PCLO: variants seen among roughly 807,000 people sequenced by gnomAD.
The protein encoded by PCLO is protein piccolo.
In PCLO, 82 loss-of-function variants were observed where a neutral mutation model predicts 427.5. That is an observed-to-expected ratio of 0.19 (90% CI 0.16 to 0.23). The LOEUF is 0.23. Ranked by LOEUF, PCLO falls within the 10% of genes least tolerant of loss-of-function variation. The pLI is 1.00. For missense variants in PCLO, 6,239 were observed against 6,115.9 expected, an observed-to-expected ratio of 1.02 and a Z score of -0.67; for synonymous variants, 2,357 against 2,155.4, an observed-to-expected ratio of 1.09 and a Z score of -2.59.
chr7:82,926,474 C>T (rs1207407500), intron 6 of PCLO, among the ~76,000 whole-genome samples: 3 of 151,960 alleles, frequency 2.0e-5, no homozygotes, highest in African/African-American at 7.2e-5. Context: ...AGAATAAAAA[C>T]AAAATAGAAC....
rs971350520 is a variant in PCLO, at chr7:82,757,550, G to T, written c.*1025C>A. On this transcript the variant is annotated 3_prime_UTR_variant, in exon 25 of 25. Transcript: ENST00000333891. ...ATGAGGATCCATTTAATTAATCAAT[G>T]TCACAAGATTAATATGGTTTGTTTG... 5.9e-5 allele frequency: 9 copies of T among 151,850 alleles called. No individual in the cohort carries two copies. Among genetic ancestry groups the T allele is most frequent in the Non-Finnish European group, 1.3e-4 (9 of 67,902 alleles). 9.4% of individuals were successfully genotyped at this position (151,850 alleles called of 1,614,324 possible). A position where few individuals can be genotyped will look rare whatever the true frequency, so the allele number is the denominator to read the frequency against.
chr7:82,992,666 G>A (rs550684617), intron 3 of PCLO, among the ~76,000 whole-genome samples: 81 of 151,940 alleles, frequency 5.3e-4, no homozygotes, highest in South Asian at 2.3e-3. Flanking sequence ...CCTAGATGAC[G>A]GGTTCATAGG....
intron 3 of PCLO, among the ~76,000 whole-genome samples, chr7:83,065,319 T>C (rs927045587): frequency 4.6e-5 from 7 of 151,894 alleles, no homozygotes; most frequent in Non-Finnish European, 1.5e-5. Flanking sequence ...TTGTATGGCT[T>C]TTTTCCTAAA....
chr7:83,101,650 A>G (rs1019690896), intron 3 of PCLO, among the ~76,000 whole-genome samples: 2 of 152,166 alleles, frequency 1.3e-5, no homozygotes, highest in African/African-American at 2.4e-5. Context: ...TTTGAATGGT[A>G]TGTGTTTTAC....
At chr7:83,037,903 G>A (rs1370690236) in intron 3 of PCLO, among the ~76,000 whole-genome samples, 1 of 139,744 alleles carries the variant, frequency 7.2e-6, no homozygotes, top group Admixed American at 7.6e-5. Flanking sequence ...GCCATATAAT[G>A]TTGGTTCTCT....
intron 3 of PCLO, among the ~76,000 whole-genome samples, chr7:83,086,830 A>G (rs890456063): frequency 1.3e-5 from 2 of 152,106 alleles, no homozygotes; most frequent in African/African-American, 4.8e-5. Flanking sequence ...ACAGATACAC[A>G]GGCAACGTTA....
rs187180755 is a variant in PCLO, at chr7:83,153,397, A to T, written c.1893+1351T>A. 2.9e-3 allele frequency among the ~76,000 whole-genome samples: 444 copies of T among 152,232 alleles called. 6 individuals are homozygous for T. The highest frequency in any genetic ancestry group is 2.7e-3 in the Non-Finnish European group (185 of 68,002). ...TAAAGGTTACTTTAGAAAACAACCAAGAGTTGACATATTTTAAATTTGCAT... is the reference window on the plus strand; with the variant it reads ...TAAAGGTTACTTTAGAAAACAACCATGAGTTGACATATTTTAAATTTGCAT... On this transcript the variant is annotated intron_variant, in intron 2 of 24. Transcript: ENST00000333891.
intron 10 of PCLO, among the ~76,000 whole-genome samples, chr7:82,872,099 T>C (rs1214903587): frequency 4.6e-5 from 7 of 151,910 alleles, no homozygotes; most frequent in Non-Finnish European, 7.4e-5. Context: ...CAAAACTTAA[T>C]TGAAACAAAA....
At chr7:83,077,020 T>TTA (rs1789972044) in intron 3 of PCLO, among the ~76,000 whole-genome samples, 5 of 67,542 alleles carry the variant, frequency 7.4e-5, no homozygotes, top group Admixed American at 3.9e-4. Flanking sequence ...AAAAATGCAT[T>TTA]GATATATATA....
intron 22 of PCLO, among the ~76,000 whole-genome samples, chr7:82,780,492 C>T (rs1368625770): frequency 6.6e-6 from 1 of 152,150 alleles, no homozygotes; most frequent in Non-Finnish European, 1.5e-5. Flanking sequence ...CCTATCATCT[C>T]CCCAAATGCT....
intron 2 of PCLO, among the ~76,000 whole-genome samples, chr7:83,141,677 T>C (rs1055176198): frequency 6.6e-6 from 1 of 152,206 alleles, no homozygotes; most frequent in Non-Finnish European, 1.5e-5. Context: ...TTGTTATGTA[T>C]GAGAGGTGTC....
intron 9 of PCLO, chr7:82,879,941 CT>C: frequency 2.5e-6 from 1 of 398,462 alleles, no homozygotes; most frequent in South Asian, 1.9e-5. Flanking sequence ...ATTTTTCAGC[CT>C]TAATTAACCA....
chr7:82,857,638 C>G (rs1000564536), intron 10 of PCLO, among the ~76,000 whole-genome samples: 6 of 151,818 alleles, frequency 4.0e-5, no homozygotes, highest in African/African-American at 1.5e-4. Flanking sequence ...AGATAAAATA[C>G]CCAGAAGTTT....
In PCLO at chr7:82,801,529, G is replaced by T; in HGVS notation, c.14996C>A (p.Ala4999Glu). 2 of 1,572,810 alleles carry T rather than the reference G, an allele frequency of 1.3e-6. No homozygotes were observed. Among genetic ancestry groups the T allele is most frequent in the Non-Finnish European group, 1.8e-6 (2 of 1,142,564 alleles). ...VKQPGVGVGL[A>E]DTEAKTQVMG... ...AAATTTTTACTTACCTTCAGTGTCT[G>T]CTAGTCCTACTCCTACCCCTGGCTG... Residue 4999 changes from alanine to glutamate, a missense_variant, in exon 22 of 25, where the codon GCA becomes GAA. Transcript: ENST00000333891.
In PCLO at chr7:83,162,704, A is replaced by G; in HGVS notation, c.-112T>C. The G allele has an allele frequency of 7.3e-7, 1 of 1,365,996 alleles. No homozygotes were observed. Among genetic ancestry groups the G allele is most frequent in the South Asian group, 1.5e-5 (1 of 66,250 alleles). 84.6% of individuals were successfully genotyped at this position (1,365,996 alleles called of 1,614,324 possible). Reference sequence around the variant, plus strand: ...GGGGTCCGCCTCGGGGCGTGCAGGCAGCCGAGTCCCTGGACTCTGGACCAG... The same window carrying G: ...GGGGTCCGCCTCGGGGCGTGCAGGCGGCCGAGTCCCTGGACTCTGGACCAG... On this transcript the variant is annotated 5_prime_UTR_variant, in exon 1 of 25. Transcript: ENST00000333891.
At chr7:83,085,239 C>T (rs1486514152) in intron 3 of PCLO, among the ~76,000 whole-genome samples, 1 of 152,074 alleles carries the variant, frequency 6.6e-6, no homozygotes, top group Non-Finnish European at 1.5e-5. Context: ...TGGAAAGAAA[C>T]ATGTTGTGTA....
At chr7:83,054,142 T>C (rs546746188) in intron 3 of PCLO, among the ~76,000 whole-genome samples, 62 of 152,056 alleles carry the variant, frequency 4.1e-4, no homozygotes, top group South Asian at 1.7e-3. Context: ...AGAAAGTATA[T>C]AAAATGTTCA....
chr7:82,916,547 T>TA lies in PCLO; in HGVS notation c.11438dup (p.Leu3813PhefsTer17). The TA allele has an allele frequency of 6.2e-7, 1 of 1,613,680 alleles. No individual in the cohort carries two copies. Among genetic ancestry groups the TA allele is most frequent in the Non-Finnish European group, 8.5e-7 (1 of 1,179,738 alleles). On this transcript the variant is annotated frameshift_variant, in exon 7 of 25. Transcript: ENST00000333891. LOFTEE classifies it high-confidence loss of function. ...CTCGTTCTCTCTTTTCTCTCTCCTT[T>TA]AATAGGGCCTCTTTCCTCCTGTTAA...
chr7:82,915,125 G>T lies in PCLO; in HGVS notation c.12861C>A (p.Ser4287Arg). 9 of 1,589,038 alleles carry T rather than the reference G, an allele frequency of 5.7e-6. No individual in the cohort carries two copies. Among genetic ancestry groups the T allele is most frequent in the Non-Finnish European group, 7.7e-6 (9 of 1,167,084 alleles). The change falls in exon 7 of 25, where the codon AGC (serine) becomes AGA (arginine). Residue 4287 changes from serine (S) to arginine (R), a missense_variant. Coordinates refer to ENST00000333891, the MANE Select transcript of PCLO (RefSeq NM_033026.6). ...DEADKPYSSGSRSRPSSRPSS... is the reference protein window; with the variant it reads ...DEADKPYSSGRRSRPSSRPSS... ...AAGGTCTGGAGGAAGGTCTGGACCT[G>T]CTGCCACTACTGTATGGCTTATCCG... is the stretch of plus-strand genomic sequence containing the variant.
Sources: gnomAD v4.1 joint callset for allele counts (sites outside exome capture counted in the v4.1 genomes callset) on GRCh38, gnomAD v4.1.1 for gene constraint, MANE v1.5 for transcripts, NCBI Gene and HGNC (gene_info 2026-07-23, HGNC 2026-07-21) for gene names.